The following ZNRF3 variants were observed in gnomAD, a reference collection of about 807,000 sequenced individuals.
The protein encoded by ZNRF3 is zinc and ring finger 3.
In ZNRF3, 23 loss-of-function variants were observed where a neutral mutation model predicts 72.5. That is an observed-to-expected ratio of 0.32 (90% CI 0.23 to 0.45). The LOEUF (loss-of-function observed/expected upper bound fraction) is 0.45. Ranked by LOEUF, ZNRF3 falls within the 20% of genes least tolerant of loss-of-function variation. ZNRF3 has a pLI of 1.00. For missense variants in ZNRF3, 1,169 were observed against 1,272.1 expected, an observed-to-expected ratio of 0.92 and a Z score of 1.23; for synonymous variants, 610 against 545.3, an observed-to-expected ratio of 1.12 and a Z score of -1.65.
chr22:28,968,988 A>G (rs967714862), intron 1 of ZNRF3, among the ~76,000 whole-genome samples: 8 of 152,196 alleles, frequency 5.3e-5, no homozygotes, highest in African/African-American at 1.9e-4. Context: ...ATACAGACAC[A>G]GATAAACTTC....
In ZNRF3 at chr22:28,912,653, C is replaced by A. The variant is rs2123761855; in HGVS notation, c.300+28587C>A. On this transcript the variant is annotated intron_variant, in intron 1 of 8. Transcript: ENST00000544604. Reference sequence around the variant, plus strand: ...CATCTAGGCTCAGGGACACGGTTTTCTTTTCTTTCTTTTTTTTTTTTTTTT... The same window carrying A: ...CATCTAGGCTCAGGGACACGGTTTTATTTTCTTTCTTTTTTTTTTTTTTTT... Among the ~76,000 whole-genome samples the A allele has an allele frequency of 1.5e-5, 2 of 135,154 alleles. 1 individual carries two copies. The highest frequency in any genetic ancestry group is 8.3e-3 in the Middle Eastern group (2 of 242). 88.7% of individuals were successfully genotyped at this position (135,154 alleles called of 152,430 possible). A position where few individuals can be genotyped will look rare whatever the true frequency, so the allele number is the denominator to read the frequency against.
chr22:29,036,040 T>C (rs893034813), intron 2 of ZNRF3, among the ~76,000 whole-genome samples: 1 of 152,190 alleles, frequency 6.6e-6, no homozygotes, highest in Admixed American at 6.5e-5. Context: ...CTGTAACACA[T>C]GCATTTTATT....
chr22:29,051,880 CA>C (rs758308347), intron 8 of ZNRF3, among the ~76,000 whole-genome samples: 2,784 of 83,610 alleles, frequency 0.033, 30 homozygotes, highest in Middle Eastern at 0.086. Context: ...GACTCCATCT[CA>C]AAAAAAAAAA....
chr22:29,042,422 C>A, intron 2 of ZNRF3, 73 bp from the exon 3 acceptor site: 1 of 1,329,276 alleles, frequency 7.5e-7, no homozygotes, highest in Non-Finnish European at 1.1e-6. Context: ...GATTACAGGC[C>A]TGATTGCCAA....
intron 1 of ZNRF3, among the ~76,000 whole-genome samples, chr22:28,969,644 A>G (rs2035535279): frequency 6.6e-6 from 1 of 152,224 alleles, no homozygotes. Flanking sequence ...GGCAGGTCAG[A>G]CACAGGATTT....
In ZNRF3 at chr22:28,909,747, A is replaced by ATTT. The variant is rs11432409; in HGVS notation, c.300+25701_300+25703dup. On this transcript the variant is annotated intron_variant, in intron 1 of 8. Coordinates refer to ENST00000544604, the MANE Select transcript of ZNRF3 (RefSeq NM_001206998.2). ...AGGCGCATGCCACCATGCCTGGCTA[A>ATTT]TTTTTTTTTTTTTTTTTTTTTTGGT... Among the ~76,000 whole-genome samples, 195 of 113,846 alleles carry ATTT rather than the reference A, an allele frequency of 1.7e-3. 1 individual carries two copies. Among genetic ancestry groups the ATTT allele is most frequent in the South Asian group, 3.6e-3 (11 of 3,080 alleles). The allele number at this position is 113,846 out of a possible 152,430, so 74.7% of individuals were successfully genotyped here. A position where few individuals can be genotyped will look rare whatever the true frequency, so the allele number is the denominator to read the frequency against.
intron 5 of ZNRF3, among the ~76,000 whole-genome samples, chr22:29,045,616 G>A (rs889690587): frequency 6.6e-6 from 1 of 152,100 alleles, no homozygotes; most frequent in South Asian, 2.1e-4. Flanking sequence ...AGCCTCCCAA[G>A]TAGCTGGAAT....
At chr22:28,928,840 GC>G in intron 1 of ZNRF3, among the ~76,000 whole-genome samples, 1 of 152,222 alleles carries the variant, frequency 6.6e-6, no homozygotes, top group South Asian at 2.1e-4. Flanking sequence ...CAGGACCCAT[GC>G]AAGGTTCCCA....
intron 1 of ZNRF3, among the ~76,000 whole-genome samples, chr22:28,933,713 C>A: frequency 1.5e-5 from 1 of 66,102 alleles, no homozygotes; most frequent in Non-Finnish European, 2.9e-5. Context: ...CACACCCCCA[C>A]CCCCACCCCA....
chr22:28,997,350 A>G (rs528603135), intron 2 of ZNRF3, among the ~76,000 whole-genome samples: 3 of 147,668 alleles, frequency 2.0e-5, no homozygotes, highest in African/African-American at 7.5e-5. Context: ...TTTTCACCCC[A>G]GGGGATACTT....
intron 1 of ZNRF3, among the ~76,000 whole-genome samples, chr22:28,902,590 A>G (rs1406898107): frequency 1.3e-5 from 2 of 152,136 alleles, no homozygotes; most frequent in Admixed American, 6.5e-5. Context: ...TTGCAGAACA[A>G]ATTGGTTCTG....
At chr22:29,035,918 G>A (rs945706639) in intron 2 of ZNRF3, among the ~76,000 whole-genome samples, 4 of 152,022 alleles carry the variant, frequency 2.6e-5, no homozygotes, top group African/African-American at 9.7e-5. Context: ...TGTTGCCCAG[G>A]CTGGCCTCAA....
intron 1 of ZNRF3, among the ~76,000 whole-genome samples, chr22:28,887,231 A>AGTGT (rs2033806663): frequency 8.9e-6 from 1 of 111,978 alleles, no homozygotes; most frequent in African/African-American, 5.1e-5. Flanking sequence ...AGAGAGAGAG[A>AGTGT]GAGAGTGTGT....
At chr22:29,053,062 T>C (rs932855059) in intron 8 of ZNRF3, among the ~76,000 whole-genome samples, 2 of 152,106 alleles carry the variant, frequency 1.3e-5, no homozygotes, top group African/African-American at 4.8e-5. Flanking sequence ...TCTCCTTGCT[T>C]CCTGCTTTCA....
chr22:28,981,121 C>T (rs961055181), intron 1 of ZNRF3, among the ~76,000 whole-genome samples: 8 of 152,162 alleles, frequency 5.3e-5, no homozygotes, highest in Admixed American at 5.2e-4. Context: ...CGTTCAGAAC[C>T]ACACAGGTCT....
In ZNRF3 at chr22:28,909,747, AT is replaced by A. The variant is rs11432409; in HGVS notation, c.300+25703del. 6.3e-3 allele frequency among the ~76,000 whole-genome samples: 712 copies of A among 113,876 alleles called. 6 individuals carry two copies. Among genetic ancestry groups the A allele is most frequent in the African/African-American group, 0.021 (650 of 30,890 alleles). The allele number at this position is 113,876 out of a possible 152,430, so 74.7% of individuals were successfully genotyped here. A position where few individuals can be genotyped will look rare whatever the true frequency, so the allele number is the denominator to read the frequency against. On this transcript the variant is annotated intron_variant, in intron 1 of 8. Transcript: ENST00000544604. ...AGGCGCATGCCACCATGCCTGGCTA[AT>A]TTTTTTTTTTTTTTTTTTTTTGGTG...
At chr22:28,904,940 C>CTTTT (rs563812107) in intron 1 of ZNRF3, among the ~76,000 whole-genome samples, 1 of 139,550 alleles carries the variant, frequency 7.2e-6, no homozygotes, top group East Asian at 2.1e-4. Flanking sequence ...GTGAAAGTGT[C>CTTTT]TTTTTTTTTT....
At chr22:29,010,916 G>A (rs1019807622) in intron 2 of ZNRF3, among the ~76,000 whole-genome samples, 3 of 152,254 alleles carry the variant, frequency 2.0e-5, no homozygotes, top group African/African-American at 4.8e-5. Context: ...TGATCCACCC[G>A]CCTCAGCCTC....
chr22:28,883,832 C>T lies in ZNRF3; in HGVS notation c.66C>T (p.Arg22=), dbSNP rs1665093000. The T allele has an allele frequency of 1.0e-6, 1 of 979,388 alleles. No homozygotes were observed. The highest frequency in any genetic ancestry group is 1.2e-6 in the Non-Finnish European group (1 of 827,484). 60.7% of individuals were successfully genotyped at this position (979,388 alleles called of 1,614,324 possible). A position where few individuals can be genotyped will look rare whatever the true frequency, so the allele number is the denominator to read the frequency against. The change falls in exon 1 of 9, where the codon CGC becomes CGT. Residue 22 remains arginine (R), a synonymous_variant. Transcript: ENST00000544604. This position sits in a 1 kb window ranked among gnomAD's most constrained non-coding sequence, Gnocchi z 5.5. ...GCCGCCGCCGCCGCCTGCGCCGCCGCCCCCGCGGCCTCCGGTGCAGCCGCC... is the reference window on the plus strand; with the variant it reads ...GCCGCCGCCGCCGCCTGCGCCGCCGTCCCCGCGGCCTCCGGTGCAGCCGCC... The part of the protein sequence containing the change: ...TGRRRRRLRR[R]PRGLRCSRLP...
Sources: gnomAD v4.1 joint callset for allele counts (sites outside exome capture counted in the v4.1 genomes callset) on GRCh38, gnomAD v4.1.1 for gene constraint, Gnocchi (gnomAD v3.1) non-coding constraint, MANE v1.5 for transcripts, NCBI Gene and HGNC (gene_info 2026-07-23, HGNC 2026-07-21) for gene names.